Variants in RFX7 observed in about 807,000 individuals in gnomAD.
The protein encoded by RFX7 is DNA-binding protein RFX7.
A neutral mutation model predicts 111.8 loss-of-function variants in RFX7; 26 were observed. The observed-to-expected ratio is 0.23, with a 90% CI of 0.17 to 0.32. The LOEUF (loss-of-function observed/expected upper bound fraction) is 0.32. Ranked by LOEUF, RFX7 falls within the 10% of genes least tolerant of loss-of-function variation. RFX7 has a pLI of 1.00. For missense variants in RFX7, 1,573 were observed against 1,772.9 expected, an observed-to-expected ratio of 0.89 and a Z score of 2.02; for synonymous variants, 624 against 624.4, an observed-to-expected ratio of 1.00 and a Z score of 0.01.
At chr15:56,200,189 C>T (rs1300680523) in intron 2 of RFX7, among the ~76,000 whole-genome samples, 2 of 152,070 alleles carry the variant, frequency 1.3e-5, no homozygotes, top group African/African-American at 4.8e-5. Flanking sequence ...GGCAAATTTA[C>T]CTAGTCTACA....
chr15:56,190,735 T>C (rs1361763754), intron 2 of RFX7, among the ~76,000 whole-genome samples: 1 of 152,202 alleles, frequency 6.6e-6, no homozygotes, highest in Non-Finnish European at 1.5e-5. Flanking sequence ...AAGAGCTTCC[T>C]ATCAACTTTT....
At chr15:56,203,946 T>C (rs996682189) in intron 2 of RFX7, among the ~76,000 whole-genome samples, 8 of 152,126 alleles carry the variant, frequency 5.3e-5, no homozygotes, top group Admixed American at 1.3e-4. Flanking sequence ...GGTCCTGCCC[T>C]GAATTATTTC....
At chr15:56,224,295 A>G (rs2043457426) in intron 2 of RFX7, among the ~76,000 whole-genome samples, 1 of 152,178 alleles carries the variant, frequency 6.6e-6, no homozygotes, top group Non-Finnish European at 1.5e-5. Context: ...GTAAGCAAGC[A>G]ATTTTAAAGT....
chr15:56,191,191 G>A (rs1284346392), intron 2 of RFX7, among the ~76,000 whole-genome samples: 2 of 152,106 alleles, frequency 1.3e-5, no homozygotes, highest in African/African-American at 4.8e-5. Flanking sequence ...AGTGGTTTGG[G>A]TAACTGTGGT....
At chr15:56,244,666 G>T (rs1241693786), upstream of RFX7, among the ~76,000 whole-genome samples, 2 of 139,932 alleles carry the variant, frequency 1.4e-5, no homozygotes, top group African/African-American at 5.3e-5. Context: ...AGCTCAAGTC[G>T]CGGCTTGTCA....
chr15:56,187,935 C>T (rs1393998429), intron 2 of RFX7, among the ~76,000 whole-genome samples: 1 of 151,922 alleles, frequency 6.6e-6, no homozygotes, highest in Non-Finnish European at 1.5e-5. Context: ...AGTGAACAAA[C>T]AGGAAAAAAA....
intron 3 of RFX7, among the ~76,000 whole-genome samples, chr15:56,166,290 C>G (rs1401960324): frequency 1.3e-5 from 2 of 152,120 alleles, no homozygotes; most frequent in Non-Finnish European, 2.9e-5. Context: ...AGCTGAATTC[C>G]TGGCAAGCTA....
chr15:56,196,772 C>T (rs1388587703), intron 2 of RFX7, among the ~76,000 whole-genome samples: 30 of 152,152 alleles, frequency 2.0e-4, no homozygotes, highest in Non-Finnish European at 2.6e-4. Flanking sequence ...CTAATATGCA[C>T]GGTATTCCAT....
intron 5 of RFX7, among the ~76,000 whole-genome samples, chr15:56,112,477 T>G (rs1478434365): frequency 4.0e-5 from 6 of 151,386 alleles, no homozygotes; most frequent in African/African-American, 1.5e-4. Context: ...ACTGGACCCC[T>G]TTCTTACACC....
chr15:56,226,401 C>T (rs1278904491), intron 2 of RFX7, among the ~76,000 whole-genome samples: 1 of 152,052 alleles, frequency 6.6e-6, no homozygotes, highest in Non-Finnish European at 1.5e-5. Context: ...CTACTAGTTA[C>T]CCAGAGGGAA....
intron 2 of RFX7, among the ~76,000 whole-genome samples, chr15:56,223,129 C>T (rs1244567788): frequency 6.6e-6 from 1 of 152,144 alleles, no homozygotes; most frequent in African/African-American, 2.4e-5. Context: ...TTATGTCTTT[C>T]AGCACTGTGT....
intron 3 of RFX7, among the ~76,000 whole-genome samples, chr15:56,167,376 C>T (rs1026391929): frequency 6.6e-6 from 1 of 152,104 alleles, no homozygotes; most frequent in East Asian, 1.9e-4. Flanking sequence ...GATAGACCAA[C>T]GTAACTGAAG....
intron 2 of RFX7, among the ~76,000 whole-genome samples, chr15:56,197,937 T>C (rs2043160505): frequency 6.6e-6 from 1 of 152,116 alleles, no homozygotes. Context: ...GCTGAATTAG[T>C]TCAAAATCCA....
At chr15:56,130,937 C>T (rs2042203844) in intron 5 of RFX7, among the ~76,000 whole-genome samples, 1 of 151,994 alleles carries the variant, frequency 6.6e-6, no homozygotes, top group Non-Finnish European at 1.5e-5. Context: ...GAATTACCTC[C>T]AACAAAGGCT....
At chr15:56,130,526 C>A (rs1325931956) in intron 5 of RFX7, among the ~76,000 whole-genome samples, 4 of 151,716 alleles carry the variant, frequency 2.6e-5, no homozygotes, top group Non-Finnish European at 5.9e-5. Flanking sequence ...ATATGCATAT[C>A]AAATGGAATA....
At chr15:56,217,332 C>T (rs548052849) in intron 2 of RFX7, among the ~76,000 whole-genome samples, 1 of 152,200 alleles carries the variant, frequency 6.6e-6, no homozygotes, top group South Asian at 2.1e-4. Context: ...CGCATTTTCC[C>T]TAATTATCTC....
intron 2 of RFX7, among the ~76,000 whole-genome samples, chr15:56,236,431 A>G (rs1339809105): frequency 6.6e-6 from 1 of 152,136 alleles, no homozygotes; most frequent in Non-Finnish European, 1.5e-5. Context: ...ACTCGAACTT[A>G]GAACCCTCCA....
chr15:56,116,985 C>T (rs2042016975), intron 5 of RFX7, among the ~76,000 whole-genome samples: 1 of 152,002 alleles, frequency 6.6e-6, no homozygotes, highest in Non-Finnish European at 1.5e-5. Flanking sequence ...GCATTAGAAG[C>T]CAGGACAGAG....
At chr15:56,149,082 CA>C (rs34272707) in intron 3 of RFX7, among the ~76,000 whole-genome samples, 1,368 of 78,918 alleles carry the variant, frequency 0.017, 9 homozygotes, top group African/African-American at 0.044. Flanking sequence ...GACTCCGTCT[CA>C]AAAAAAAAAA....
Sources: gnomAD v4.1 joint callset for allele counts (sites outside exome capture counted in the v4.1 genomes callset) on GRCh38, gnomAD v4.1.1 for gene constraint, MANE v1.5 for transcripts, NCBI Gene and HGNC (gene_info 2026-07-23, HGNC 2026-07-21) for gene names.